Variants in NPAS3 observed in about 807,000 individuals in gnomAD.
NPAS3 encodes the protein neuronal PAS domain-containing protein 3.
A neutral mutation model predicts 73.1 loss-of-function variants in NPAS3; 14 were observed. The observed-to-expected ratio is 0.19, with a 90% CI of 0.13 to 0.30. The LOEUF is 0.30. NPAS3 is among the 10% of genes least tolerant of loss of function. The probability of loss-of-function intolerance (pLI) is 1.00; values close to 1 mark genes in which losing one functional copy is unlikely to be tolerated. For missense variants in NPAS3, 1,096 were observed against 1,250.0 expected, an observed-to-expected ratio of 0.88 and a Z score of 1.86; for synonymous variants, 620 against 541.5, an observed-to-expected ratio of 1.14 and a Z score of -2.01.
chr14:33,128,914 G>T (rs1317691861), intron 2 of NPAS3, among the ~76,000 whole-genome samples: 1 of 152,086 alleles, frequency 6.6e-6, no homozygotes, highest in Non-Finnish European at 1.5e-5. Context: ...ACTGGAAAAT[G>T]GTTAGCCATC....
intron 7 of NPAS3, among the ~76,000 whole-genome samples, chr14:33,753,358 T>TAAAAAAAAAAAAAA (rs34619014): frequency 2.2e-4 from 28 of 129,402 alleles, no homozygotes; most frequent in African/African-American, 7.8e-4. Context: ...GTTAAATTGA[T>TAAAAAAAAAAAAAA]AAAAAAAAAA....
chr14:33,059,046 T>C (rs1566514434), intron 2 of NPAS3, among the ~76,000 whole-genome samples: 2 of 152,230 alleles, frequency 1.3e-5, no homozygotes, highest in Non-Finnish European at 2.9e-5. Flanking sequence ...TTTCTCACTT[T>C]GTTAGTTCTG....
intron 7 of NPAS3, among the ~76,000 whole-genome samples, chr14:33,766,575 A>AG (rs1389831316): frequency 6.6e-6 from 1 of 152,184 alleles, no homozygotes; most frequent in Non-Finnish European, 1.5e-5. Flanking sequence ...CCTTAAGTTG[A>AG]GCCCACCTGA....
At chr14:33,279,553 C>G (rs1445600252) in intron 3 of NPAS3, among the ~76,000 whole-genome samples, 1 of 152,140 alleles carries the variant, frequency 6.6e-6, no homozygotes, top group Non-Finnish European at 1.5e-5. Context: ...ATTGATGTTA[C>G]CCGGGAGCTT....
intron 3 of NPAS3, among the ~76,000 whole-genome samples, chr14:33,363,670 A>G (rs2045705244): frequency 1.3e-5 from 2 of 152,180 alleles, no homozygotes; most frequent in South Asian, 4.1e-4. Context: ...GTCATAAAAC[A>G]TTTTTTGGAC....
chr14:33,720,757 C>T (rs1178210403), intron 6 of NPAS3, among the ~76,000 whole-genome samples: 2 of 152,148 alleles, frequency 1.3e-5, no homozygotes, highest in Non-Finnish European at 2.9e-5. Flanking sequence ...ATTGGGGATA[C>T]ATATATTAAG....
At chr14:33,780,398 A>G (rs957957025) in intron 9 of NPAS3, among the ~76,000 whole-genome samples, 50 of 152,224 alleles carry the variant, frequency 3.3e-4, no homozygotes, top group African/African-American at 1.1e-3. Flanking sequence ...AGCCATGGAT[A>G]TATTTTTGGA....
intron 5 of NPAS3, among the ~76,000 whole-genome samples, chr14:33,668,160 ACAAATTATCTT>A (rs1287537279): frequency 6.6e-6 from 1 of 152,162 alleles, no homozygotes; most frequent in East Asian, 1.9e-4. Flanking sequence ...AGGTCTACAA[ACAAATTATCTT>A]TGTTAAATCT....
At chr14:33,113,341 C>T (rs1192640491) in intron 2 of NPAS3, among the ~76,000 whole-genome samples, 10 of 152,084 alleles carry the variant, frequency 6.6e-5, no homozygotes, top group South Asian at 2.1e-4. Context: ...TCTTTTATTT[C>T]GTTGAGCAGT....
rs575058750 is a variant in NPAS3 at position 33,789,841 on chromosome 14, G to T, written c.1154-4056G>T. 1.1e-4 allele frequency among the ~76,000 whole-genome samples: 16 copies of T among 151,812 alleles called. No individual in the cohort carries two copies. In the East Asian group the frequency reaches 1.9e-3, roughly 18 times the overall value. On this transcript the variant is annotated intron_variant, in intron 9 of 11. Coordinates refer to ENST00000356141, the Ensembl canonical transcript of NPAS3. ...CCTGACCTCGTGATCCGCCCGCCTC[G>T]GCCTCCCAAAGTGCTGGGATTACAG... is the stretch of plus-strand genomic sequence containing the variant.
intron 7 of NPAS3, among the ~76,000 whole-genome samples, chr14:33,763,900 A>G (rs2062376705): frequency 6.6e-6 from 1 of 151,886 alleles, no homozygotes; most frequent in South Asian, 2.1e-4. Flanking sequence ...AACAATTTTA[A>G]CTATAAGAAA....
intron 6 of NPAS3, among the ~76,000 whole-genome samples, chr14:33,687,609 G>A (rs914934677): frequency 6.6e-6 from 1 of 152,284 alleles, no homozygotes; most frequent in East Asian, 1.9e-4. Flanking sequence ...AACTTAATTG[G>A]TAACTTAAAA....
chr14:33,586,740 A>G (rs559218164), intron 5 of NPAS3, among the ~76,000 whole-genome samples: 2 of 152,234 alleles, frequency 1.3e-5, no homozygotes, highest in Non-Finnish European at 2.9e-5. Flanking sequence ...AAAGTAGGTG[A>G]ACAAACACGT....
At chr14:33,397,234 TTGCAGCTC>T (rs1374222508) in intron 4 of NPAS3, among the ~76,000 whole-genome samples, 4 of 152,184 alleles carry the variant, frequency 2.6e-5, no homozygotes, top group Non-Finnish European at 5.9e-5. Context: ...AGGCTTATAA[TTGCAGCTC>T]TGCAGAAAGA....
intron 2 of NPAS3, among the ~76,000 whole-genome samples, chr14:33,098,285 T>A (rs760008883): frequency 6.6e-6 from 1 of 152,196 alleles, no homozygotes; most frequent in Non-Finnish European, 1.5e-5. Flanking sequence ...GTGCCTCCAA[T>A]ACAAATTTTA....
chr14:33,003,077 T>G lies in NPAS3; in HGVS notation c.51-52828T>G, dbSNP rs570718168. ...CATTCGTAATTTTTGTTTCTTTTTT[T>G]TTTTTCGCAGAATTGAGGACAAACA... is the stretch of plus-strand genomic sequence containing the variant. On this transcript the variant is annotated intron_variant, in intron 1 of 11. Coordinates refer to ENST00000356141, the Ensembl canonical transcript of NPAS3. 2.9e-4 allele frequency among the ~76,000 whole-genome samples: 44 copies of G among 152,178 alleles called. 1 individual carries two copies. The East Asian group carries it at 7.3e-3, about 25-fold the overall frequency.
intron 5 of NPAS3, among the ~76,000 whole-genome samples, chr14:33,649,709 G>T (rs2058936702): frequency 6.6e-6 from 1 of 152,154 alleles, no homozygotes; most frequent in Admixed American, 6.5e-5. Context: ...CCAAAAAGGA[G>T]AATAGGCAGG....
At chr14:33,756,739 A>G (rs1488672904) in intron 7 of NPAS3, among the ~76,000 whole-genome samples, 2 of 152,248 alleles carry the variant, frequency 1.3e-5, no homozygotes, top group Non-Finnish European at 2.9e-5. Context: ...GCAGTCAGTC[A>G]TCCTGTAGTC....
chr14:33,788,697 C>T (rs993889979), intron 9 of NPAS3, among the ~76,000 whole-genome samples: 5 of 152,028 alleles, frequency 3.3e-5, no homozygotes, highest in African/African-American at 1.2e-4. Context: ...GATTTACTAC[C>T]AGAATTATGT....
Sources: gnomAD v4.1 joint callset for allele counts (sites outside exome capture counted in the v4.1 genomes callset) on GRCh38, gnomAD v4.1.1 for gene constraint, MANE v1.5 for transcripts, NCBI Gene and HGNC (gene_info 2026-07-23, HGNC 2026-07-21) for gene names.